The following PARK7 variants were observed in gnomAD, a reference collection of about 807,000 sequenced individuals.
The protein encoded by PARK7 is Parkinson disease protein 7.
In PARK7, 14 loss-of-function variants were observed where a neutral mutation model predicts 20.5. The ratio of observed to expected loss-of-function variants is 0.68; its 90% CI spans 0.45 to 1.07. PARK7 has a LOEUF of 1.07. Ranked by LOEUF, PARK7 falls within the 50% of genes least tolerant of loss-of-function variation. The probability of loss-of-function intolerance (pLI) is 0.00; values close to 1 mark genes in which losing one functional copy is unlikely to be tolerated. For synonymous variants in PARK7, 98 were observed against 84.3 expected (o/e 1.16, Z -0.89); for missense variants, 234 against 238.1 (o/e 0.98, Z 0.11).
In PARK7 at chr1:7,962,876, G is replaced by A. The variant is rs878922168; in HGVS notation, c.90+1G>A. 1 of 1,611,544 alleles carries A rather than the reference G, an allele frequency of 6.2e-7. No individual in the cohort carries two copies. Among genetic ancestry groups the A allele is most frequent in the East Asian group, 2.2e-5 (1 of 44,862 alleles). ...TGTAGATGTCATGAGGCGAGCTGGG[G>A]TAAGTCCCACATCGATTTTTAGCCA... is the stretch of plus-strand genomic sequence containing the variant. On this transcript the variant is annotated splice_donor_variant, in intron 2 of 6. Transcript: ENST00000338639. LOFTEE classifies it high-confidence loss of function.
At chr1:7,973,512 G>A (rs886398329) in intron 5 of PARK7, among the ~76,000 whole-genome samples, 3 of 152,104 alleles carry the variant, frequency 2.0e-5, no homozygotes, top group African/African-American at 7.2e-5. Context: ...TCAGGAGTTC[G>A]AAACCAGCCT....
chr1:7,974,866 T>TG (rs940016028), intron 5 of PARK7, among the ~76,000 whole-genome samples: 3 of 150,744 alleles, frequency 2.0e-5, no homozygotes, highest in East Asian at 3.9e-4. Context: ...TTTTTTTTTT[T>TG]TTGTTGAAAT....
intron 6 of PARK7, among the ~76,000 whole-genome samples, chr1:7,980,382 T>G (rs1389989627): frequency 6.6e-6 from 1 of 152,080 alleles, no homozygotes; most frequent in Non-Finnish European, 1.5e-5. Context: ...CTGTTTTCCT[T>G]TAGTGCCTCA....
chr1:7,962,950 T>C (rs113860946), intron 2 of PARK7, 75 bp downstream of exon 2: 3 of 1,176,966 alleles, frequency 2.5e-6, no homozygotes, highest in Non-Finnish European at 3.8e-6. Context: ...GAATAAAATA[T>C]TCAAAGTGCT....
intron 5 of PARK7, chr1:7,971,172 A>G (rs915843611): frequency 6.3e-6 from 4 of 633,074 alleles, no homozygotes; most frequent in African/African-American, 3.6e-5. Context: ...TTTGGTCTAC[A>G]TGCTGTGAAA....
At chr1:7,974,716 G>A (rs940271029) in intron 5 of PARK7, among the ~76,000 whole-genome samples, 1 of 152,040 alleles carries the variant, frequency 6.6e-6, no homozygotes, top group Non-Finnish European at 1.5e-5. Context: ...CACCACTGTT[G>A]TGGGCACTAC....
At chr1:7,974,673 A>T (rs932277549) in intron 5 of PARK7, among the ~76,000 whole-genome samples, 1 of 151,650 alleles carries the variant, frequency 6.6e-6, no homozygotes. Flanking sequence ...TAGAAAACAC[A>T]CTAGCAGTGT....
intron 4 of PARK7, among the ~76,000 whole-genome samples, chr1:7,970,174 A>G (rs1640434053): frequency 1.3e-5 from 2 of 152,168 alleles, no homozygotes; most frequent in African/African-American, 4.8e-5. Flanking sequence ...TAGCCTGGGC[A>G]ACAAAGCAAG....
rs201258798 is a variant in PARK7 at position 7,969,350 on chromosome 1, A to G, written c.198A>G (p.Pro66=). 2.4e-5 allele frequency: 38 copies of G among 1,608,668 alleles called. No individual in the cohort carries two copies. The East Asian group carries it at 7.8e-4, about 33-fold the overall frequency. ...TATGTTTTAAACTGTTACAGGGACCATATGATGTGGTGGTTCTACCAGGAG... is the reference window on the plus strand; with the variant it reads ...TATGTTTTAAACTGTTACAGGGACCGTATGATGTGGTGGTTCTACCAGGAG... ...ASLEDAKKEG[P]YDVVVLPGGN... Residue 66 remains proline (P), a synonymous_variant, in exon 4 of 7, where the codon CCA becomes CCG. Coordinates refer to ENST00000338639, the MANE Select transcript of PARK7 (RefSeq NM_007262.5).
intron 4 of PARK7, among the ~76,000 whole-genome samples, chr1:7,970,654 T>C (rs894112072): frequency 1.3e-5 from 2 of 152,232 alleles, no homozygotes; most frequent in African/African-American, 4.8e-5. Flanking sequence ...AAATTGCTTC[T>C]TCTGATCTTT....
At chr1:7,983,997 G>A (rs988208547) in intron 6 of PARK7, among the ~76,000 whole-genome samples, 3 of 152,218 alleles carry the variant, frequency 2.0e-5, no homozygotes, top group African/African-American at 4.8e-5. Flanking sequence ...AATAGAATGC[G>A]GTGATAGAGT....
intron 3 of PARK7, among the ~76,000 whole-genome samples, chr1:7,968,618 C>A (rs987499186): frequency 6.6e-6 from 1 of 152,136 alleles, no homozygotes; most frequent in Non-Finnish European, 1.5e-5. Context: ...TAGGTTCAAG[C>A]GATTCTCCTG....
chr1:7,972,732 C>T (rs949672773), intron 5 of PARK7, among the ~76,000 whole-genome samples: 4 of 151,950 alleles, frequency 2.6e-5, no homozygotes, highest in Non-Finnish European at 4.4e-5. Context: ...GGTGAAATCC[C>T]GTTTCTACTA....
chr1:7,965,877 A>C (rs1196852925), intron 3 of PARK7, among the ~76,000 whole-genome samples: 1 of 152,104 alleles, frequency 6.6e-6, no homozygotes, highest in Admixed American at 6.6e-5. Flanking sequence ...TGGTGCAGTC[A>C]CAGCTCACTG....
chr1:7,965,182 C>T (rs1640297710), intron 2 of PARK7, 142 bp from the exon 3 acceptor site: 1 of 722,018 alleles, frequency 1.4e-6, no homozygotes, highest in Non-Finnish European at 2.4e-6. Context: ...CTGGAGGCTG[C>T]AGTAAGCTAT....
chr1:7,963,230 A>G (rs1342046650), intron 2 of PARK7, among the ~76,000 whole-genome samples: 2 of 151,882 alleles, frequency 1.3e-5, no homozygotes, highest in African/African-American at 4.8e-5. Context: ...CACCTGGCTA[A>G]TTTTTGTATG....
intron 3 of PARK7, among the ~76,000 whole-genome samples, chr1:7,966,699 G>C (rs1640337693): frequency 6.6e-6 from 1 of 152,124 alleles, no homozygotes; most frequent in Non-Finnish European, 1.5e-5. Context: ...CTGGGTGACA[G>C]AGCGAGACCC....
In PARK7 at chr1:7,985,349, A is replaced by G; in HGVS notation, c.*295A>G. 2.4e-6 allele frequency: 1 copy of G among 409,390 alleles called. No homozygotes were observed. The highest frequency in any genetic ancestry group is 4.6e-6 in the Non-Finnish European group (1 of 217,038). The allele number at this position is 409,390 out of a possible 1,614,324, so 25.4% of individuals were successfully genotyped here. On this transcript the variant is annotated 3_prime_UTR_variant, in exon 7 of 7. Transcript: ENST00000338639. Reference sequence around the variant, plus strand: ...TAAATTCCGTATCACCTTCATTTGCAGCTCTTAACTGTCCATATGGCACTG... The same window carrying G: ...TAAATTCCGTATCACCTTCATTTGCGGCTCTTAACTGTCCATATGGCACTG...
At chr1:7,972,115 C>A (rs113097582) in intron 5 of PARK7, among the ~76,000 whole-genome samples, 1 of 151,994 alleles carries the variant, frequency 6.6e-6, no homozygotes. Context: ...TTGATACATT[C>A]GAGTATCAGT....
Sources: allele counts gnomAD v4.1 joint callset (sites outside exome capture counted in the v4.1 genomes callset), GRCh38; gene constraint gnomAD v4.1.1; transcripts MANE v1.5; gene names NCBI Gene and HGNC (gene_info 2026-07-23, HGNC 2026-07-21).